The following TMEM242 variants were observed in gnomAD, a reference collection of about 807,000 sequenced individuals.
The protein encoded by TMEM242 is UPF0463 transmembrane protein C6orf35.
In TMEM242, 10 loss-of-function variants were observed where a neutral mutation model predicts 18.2. The observed-to-expected ratio is 0.55, with a 90% CI of 0.34 to 0.93. The LOEUF is 0.93. Among genes scored for constraint, TMEM242 ranks in the 40% least tolerant of loss-of-function variants. The probability of loss-of-function intolerance (pLI) is 0.02; values close to 1 mark genes in which losing one functional copy is unlikely to be tolerated. For missense variants in TMEM242, 186 were observed against 175.5 expected (o/e 1.06, Z -0.34); for synonymous variants, 57 against 69.9 (o/e 0.81, Z 0.92).
Position 157,289,592 on chromosome 6 carries a change from C to T in TMEM242, c.*3309G>A, listed in dbSNP as rs782218865. On this transcript the variant is annotated 3_prime_UTR_variant, in exon 4 of 4. Transcript: ENST00000400788. ...AATGAGATGAAAATATATAACCTTCCCCATAAACCAAGATTTAATCTTGGA... is the reference window on the plus strand; with the variant it reads ...AATGAGATGAAAATATATAACCTTCTCCATAAACCAAGATTTAATCTTGGA... 1 of 152,006 alleles carries T rather than the reference C, an allele frequency of 6.6e-6. No individual in the cohort carries two copies. The highest frequency in any genetic ancestry group is 1.5e-5 in the Non-Finnish European group (1 of 68,000). 9.4% of individuals were successfully genotyped at this position (152,006 alleles called of 1,614,324 possible).
intron 3 of TMEM242, among the ~76,000 whole-genome samples, chr6:157,294,833 T>C (rs1265135341): frequency 6.6e-6 from 1 of 152,200 alleles, no homozygotes; most frequent in East Asian, 1.9e-4. Context: ...GTCAGCAGCA[T>C]GGACTCTGTT....
intron 3 of TMEM242, 69 bp from the exon 4 acceptor site, chr6:157,293,068 C>G: frequency 8.7e-7 from 1 of 1,151,692 alleles, no homozygotes; most frequent in Admixed American, 1.7e-5. Flanking sequence ...AGAGATGGCA[C>G]CTTTGCTGAC....
At chr6:157,316,309 G>A (rs1226890779) in intron 3 of TMEM242, among the ~76,000 whole-genome samples, 1 of 152,186 alleles carries the variant, frequency 6.6e-6, no homozygotes, top group Admixed American at 6.6e-5. Flanking sequence ...TCTTGGGCAA[G>A]TGATTTAACC....
intron 3 of TMEM242, among the ~76,000 whole-genome samples, chr6:157,296,276 T>C (rs1192326269): frequency 1.3e-5 from 2 of 152,184 alleles, no homozygotes. Flanking sequence ...TTCCAAACTG[T>C]AGTTCTCTCT....
chr6:157,314,191 A>G, intron 3 of TMEM242, among the ~76,000 whole-genome samples: 1 of 152,038 alleles, frequency 6.6e-6, no homozygotes, highest in East Asian at 1.9e-4. Flanking sequence ...ATAGTGTCCC[A>G]GTGTGCGCTC....
intron 3 of TMEM242, chr6:157,300,093 G>A: frequency 1.5e-6 from 1 of 681,482 alleles, no homozygotes; most frequent in Non-Finnish European, 2.7e-6. Context: ...CTCACTCTCC[G>A]GCTGGCCTGC....
intron 3 of TMEM242, among the ~76,000 whole-genome samples, chr6:157,293,271 A>G (rs1554246954): frequency 6.6e-6 from 1 of 152,118 alleles, no homozygotes; most frequent in African/African-American, 2.4e-5. Flanking sequence ...AGTCCTAGCT[A>G]CTCGGGAGGC....
In TMEM242 at chr6:157,308,754, G is replaced by A. The variant is rs587692666; in HGVS notation, c.327+10028C>T. 1.4e-3 allele frequency among the ~76,000 whole-genome samples: 211 copies of A among 152,112 alleles called. 2 individuals are homozygous for A. The highest frequency in any genetic ancestry group is 4.8e-3 in the African/African-American group (199 of 41,492). The stretch of plus-strand genomic sequence containing the variant: ...AGAGATACAGGAAGAAAGAGAGTTG[G>A]GGGTGGGGGTGGATTACTTTCTATC... On this transcript the variant is annotated intron_variant, in intron 3 of 3. Transcript: ENST00000400788.
intron 1 of TMEM242, 75 bp from the exon 2 acceptor site, chr6:157,322,880 G>A (rs1430012469): frequency 3.9e-5 from 50 of 1,280,754 alleles, no homozygotes; most frequent in Non-Finnish European, 5.1e-5. Context: ...ATGTACAAAA[G>A]TAAGTTTAAG....
intron 3 of TMEM242, among the ~76,000 whole-genome samples, chr6:157,312,761 T>C (rs587758003): frequency 2.2e-5 from 2 of 90,788 alleles, no homozygotes; most frequent in South Asian, 3.6e-4. Flanking sequence ...CTCATCTTAC[T>C]GTCACAGTGT....
At chr6:157,309,342 T>TC (rs1230334979) in intron 3 of TMEM242, among the ~76,000 whole-genome samples, 1 of 152,160 alleles carries the variant, frequency 6.6e-6, no homozygotes, top group Non-Finnish European at 1.5e-5. Context: ...TCTTTTTTTT[T>TC]CTGTTTTGAA....
chr6:157,303,046 A>G (rs1777851862), intron 3 of TMEM242, among the ~76,000 whole-genome samples: 1 of 152,218 alleles, frequency 6.6e-6, no homozygotes. Context: ...CTGGCTTTCT[A>G]AAAGCCTATG....
chr6:157,312,748 G>A (rs797043420), intron 3 of TMEM242, among the ~76,000 whole-genome samples: 325 of 18,688 alleles, frequency 0.017, 1 homozygote, highest in South Asian at 0.026. Context: ...GCGCTCACCT[G>A]GCCTCATCTT....
chr6:157,323,352 C>G, intron 1 of TMEM242, 60 bp downstream of exon 1: 1 of 1,568,840 alleles, frequency 6.4e-7, no homozygotes, highest in Non-Finnish European at 8.7e-7. Context: ...CGCTCCAGAG[C>G]AAGCCAGGGT....
intron 2 of TMEM242, among the ~76,000 whole-genome samples, chr6:157,321,304 G>C (rs932292479): frequency 6.6e-6 from 1 of 151,966 alleles, no homozygotes; most frequent in South Asian, 2.1e-4. Flanking sequence ...CACCTCGCCC[G>C]GCCTTGTATT....
intron 3 of TMEM242, among the ~76,000 whole-genome samples, chr6:157,310,942 GCCCCAGTGTGCA>G (rs1778027985): frequency 6.6e-6 from 1 of 152,174 alleles, no homozygotes. Context: ...TCATCATAGT[GCCCCAGTGTGCA>G]CTCACCTGGC....
Position 157,323,429 on chromosome 6 carries a change from C to T in TMEM242, c.71G>A (p.Arg24Gln). 1 of 1,614,112 alleles carries T rather than the reference C, an allele frequency of 6.2e-7. No homozygotes were observed. The highest frequency in any genetic ancestry group is 8.5e-7 in the Non-Finnish European group (1 of 1,179,970). Residue 24 changes from arginine (R) to glutamine (Q), a missense_variant, in exon 1 of 4, where the codon CGG becomes CAG. Transcript: ENST00000400788. ...CATCTTACCTTTAACCAGGAAAAGC[C>T]GGTCATTCGTGGACCCCGGAGCCTC... The part of the protein sequence containing the change: ...GLEAPGSTND[R>Q]LFLVKGGIFL...
At position 157,303,495 on chromosome 6, in the gene TMEM242, A is replaced by G. The variant is rs587685901; in HGVS notation, c.328-10496T>C. Among the ~76,000 whole-genome samples the G allele has an allele frequency of 5.3e-5, 8 of 152,380 alleles. No individual in the cohort carries two copies. The South Asian group carries it at 1.4e-3, about 28-fold the overall frequency. Reference sequence around the variant, plus strand: ...AGTTAAAACATTAAAAAACAAAACAAAAACAAAAATCTATTACAGTGTTAG... The same window carrying G: ...AGTTAAAACATTAAAAAACAAAACAGAAACAAAAATCTATTACAGTGTTAG... On this transcript the variant is annotated intron_variant, in intron 3 of 3. Transcript: ENST00000400788.
chr6:157,319,771 T>C (rs587770576), intron 2 of TMEM242, among the ~76,000 whole-genome samples: 8 of 152,340 alleles, frequency 5.3e-5, no homozygotes, highest in African/African-American at 1.4e-4. Flanking sequence ...GGCTAATGGA[T>C]AGAAGTCTGT....
Sources: gnomAD v4.1 joint callset for allele counts (sites outside exome capture counted in the v4.1 genomes callset) on GRCh38, gnomAD v4.1.1 for gene constraint, MANE v1.5 for transcripts, NCBI Gene and HGNC (gene_info 2026-07-23, HGNC 2026-07-21) for gene names.